The following NEGR1 variants were observed in gnomAD, a reference collection of about 807,000 sequenced individuals.
NEGR1 encodes the protein IgLON family member 4.
Under a neutral mutation model 40.9 loss-of-function variants are expected in NEGR1, and 10 were observed. The ratio of observed to expected loss-of-function variants is 0.24; its 90% confidence interval spans 0.15 to 0.42. NEGR1 has a LOEUF of 0.42. NEGR1 is among the 10% of genes least tolerant of loss of function. The probability of loss-of-function intolerance (pLI) is 1.00; values close to 1 mark genes in which losing one functional copy is unlikely to be tolerated. For missense variants in NEGR1, 352 were observed against 438.9 expected (o/e 0.80, Z 1.77); for synonymous variants, 185 against 166.8 (o/e 1.11, Z -0.84).
intron 6 of NEGR1, among the ~76,000 whole-genome samples, chr1:71,441,106 A>G (rs1194048756): frequency 6.6e-6 from 1 of 152,192 alleles, no homozygotes; most frequent in East Asian, 1.9e-4. Context: ...ATATGTCCAA[A>G]ACAATTATCA....
chr1:71,542,272 C>T (rs918942018), intron 6 of NEGR1, among the ~76,000 whole-genome samples: 2 of 151,796 alleles, frequency 1.3e-5, no homozygotes, highest in Non-Finnish European at 2.9e-5. Flanking sequence ...CATACTAAAC[C>T]TTAGTTTCCA....
At chr1:71,835,364 A>G (rs976753668) in intron 2 of NEGR1, among the ~76,000 whole-genome samples, 1 of 152,122 alleles carries the variant, frequency 6.6e-6, no homozygotes, top group African/African-American at 2.4e-5. Context: ...TTGAGGACAA[A>G]GGGAGCATTA....
Position 71,557,381 on chromosome 1 carries a change from A to G in NEGR1, c.940+35436T>C, listed in dbSNP as rs139241412. On this transcript the variant is annotated intron_variant, in intron 6 of 6. Transcript: ENST00000357731. ...TCCAGACAAATGTTAGCTTTGTGATAAAGGAAGTGTGGGAGAAGAAGGATG... is the reference window on the plus strand; with the variant it reads ...TCCAGACAAATGTTAGCTTTGTGATGAAGGAAGTGTGGGAGAAGAAGGATG... Among the ~76,000 whole-genome samples, 9 of 151,720 alleles carry G rather than the reference A, an allele frequency of 5.9e-5. No homozygotes were observed. In the East Asian group the frequency reaches 1.8e-3, roughly 30 times the overall value.
intron 1 of NEGR1, among the ~76,000 whole-genome samples, chr1:72,094,549 T>C (rs1648625822): frequency 6.6e-6 from 1 of 152,170 alleles, no homozygotes; most frequent in South Asian, 2.1e-4. Flanking sequence ...CAACAGACAG[T>C]CCACCTGGAA....
At chr1:71,617,984 A>G (rs745813366) in intron 4 of NEGR1, among the ~76,000 whole-genome samples, 1 of 152,208 alleles carries the variant, frequency 6.6e-6, no homozygotes, top group Non-Finnish European at 1.5e-5. Flanking sequence ...AACCTGCTCA[A>G]TGGACTCAGC....
In NEGR1 at chr1:71,557,682, A is replaced by G. The variant is rs1648295451; in HGVS notation, c.940+35135T>C. Among the ~76,000 whole-genome samples the G allele has an allele frequency of 4.0e-5, 6 of 151,708 alleles. No homozygotes were observed. The South Asian group carries it at 1.2e-3, about 31-fold the overall frequency. On this transcript the variant is annotated intron_variant, in intron 6 of 6. Transcript: ENST00000357731. ...CTACTCAGTTTCCTTTAAGGTAAAA[A>G]TCTTATATAACCATGGGACAATTAT...
intron 1 of NEGR1, among the ~76,000 whole-genome samples, chr1:72,266,903 A>T (rs2100552839): frequency 6.6e-6 from 1 of 151,136 alleles, no homozygotes; most frequent in South Asian, 2.1e-4. Flanking sequence ...AATAGCAAAA[A>T]GTCCTATCTG....
intron 1 of NEGR1, among the ~76,000 whole-genome samples, chr1:72,080,412 A>C (rs1298331092): frequency 6.6e-6 from 1 of 152,040 alleles, no homozygotes; most frequent in East Asian, 1.9e-4. Flanking sequence ...GACAACATAC[A>C]AGATGTATTA....
chr1:71,471,245 T>A (rs1179705936), intron 6 of NEGR1, among the ~76,000 whole-genome samples: 1 of 152,192 alleles, frequency 6.6e-6, no homozygotes, highest in Admixed American at 6.5e-5. Context: ...CAATGGTTTA[T>A]GTCCTAAGAC....
chr1:71,972,747 G>T (rs1171813323), intron 1 of NEGR1, among the ~76,000 whole-genome samples: 1 of 152,058 alleles, frequency 6.6e-6, no homozygotes, highest in Non-Finnish European at 1.5e-5. Flanking sequence ...TGATACAGCT[G>T]AACTCAAAGG....
intron 1 of NEGR1, among the ~76,000 whole-genome samples, chr1:72,153,965 TG>T (rs896183904): frequency 4.6e-5 from 7 of 151,692 alleles, no homozygotes; most frequent in Non-Finnish European, 1.0e-4. Flanking sequence ...GTACTCTCGG[TG>T]AAATAAGTTT....
At chr1:71,817,902 C>T (rs1275450665) in intron 2 of NEGR1, among the ~76,000 whole-genome samples, 1 of 151,910 alleles carries the variant, frequency 6.6e-6, no homozygotes, top group Non-Finnish European at 1.5e-5. Context: ...GCTAGTTTAA[C>T]CTATATGTAT....
chr1:71,613,040 G>T (rs1650313658), intron 4 of NEGR1, among the ~76,000 whole-genome samples: 1 of 152,144 alleles, frequency 6.6e-6, no homozygotes, highest in Non-Finnish European at 1.5e-5. Flanking sequence ...GATAAAATCT[G>T]ATTGTTTTTT....
intron 3 of NEGR1, among the ~76,000 whole-genome samples, chr1:71,738,743 C>T (rs1394208225): frequency 6.6e-6 from 1 of 152,066 alleles, no homozygotes; most frequent in Non-Finnish European, 1.5e-5. Flanking sequence ...CCTTCCATAC[C>T]TTTGGTTCGA....
chr1:71,591,050 C>T (rs946277337), intron 6 of NEGR1, among the ~76,000 whole-genome samples: 1 of 152,012 alleles, frequency 6.6e-6, no homozygotes, highest in Non-Finnish European at 1.5e-5. Context: ...AATAAAAATG[C>T]TTAGTGCAGT....
chr1:72,109,196 A>G (rs896335658), intron 1 of NEGR1, among the ~76,000 whole-genome samples: 5 of 151,754 alleles, frequency 3.3e-5, no homozygotes, highest in African/African-American at 7.2e-5. Context: ...AGTAGAGGTG[A>G]TATTAAACTT....
intron 1 of NEGR1, among the ~76,000 whole-genome samples, chr1:72,210,219 C>T (rs1163603829): frequency 6.6e-6 from 1 of 151,788 alleles, no homozygotes; most frequent in Admixed American, 6.6e-5. Flanking sequence ...GGCATTTGCA[C>T]TGACATTGCA....
At chr1:71,835,640 G>T (rs1187847509) in intron 2 of NEGR1, among the ~76,000 whole-genome samples, 1 of 152,040 alleles carries the variant, frequency 6.6e-6, no homozygotes, top group Non-Finnish European at 1.5e-5. Context: ...AATCACAAGG[G>T]ATTGCTTTTG....
chr1:71,812,339 A>G (rs746783870), intron 2 of NEGR1, among the ~76,000 whole-genome samples: 10 of 152,144 alleles, frequency 6.6e-5, no homozygotes, highest in Non-Finnish European at 1.3e-4. Flanking sequence ...GCTATTATGA[A>G]TAGTGCTGCA....
Sources: allele counts gnomAD v4.1 joint callset (sites outside exome capture counted in the v4.1 genomes callset), GRCh38; gene constraint gnomAD v4.1.1; transcripts MANE v1.5; gene names NCBI Gene and HGNC (gene_info 2026-07-23, HGNC 2026-07-21).